The following PTPRO variants were observed in gnomAD, a reference collection of about 807,000 sequenced individuals.
PTPRO encodes receptor-type tyrosine-protein phosphatase O.
In PTPRO, 62 loss-of-function variants were observed where a neutral mutation model predicts 145.2. The observed-to-expected ratio is 0.43, with a 90% CI of 0.35 to 0.53. The LOEUF (loss-of-function observed/expected upper bound fraction) is 0.53. Ranked by LOEUF, PTPRO falls within the 20% of genes least tolerant of loss-of-function variation. The pLI, the probability that PTPRO is intolerant of heterozygous loss-of-function variation, is 0.01. For missense variants in PTPRO, 1,345 were observed against 1,482.7 expected, an observed-to-expected ratio of 0.91 and a Z score of 1.53; for synonymous variants, 565 against 514.7, an observed-to-expected ratio of 1.10 and a Z score of -1.32.
chr12:15,392,691 A>G (rs1439960067), intron 1 of PTPRO, among the ~76,000 whole-genome samples: 1 of 137,364 alleles, frequency 7.3e-6, no homozygotes, highest in Non-Finnish European at 1.5e-5. Flanking sequence ...ACTGCACTCC[A>G]GCTTGGGTGA....
At chr12:15,460,131 A>C (rs899063358) in intron 1 of PTPRO, among the ~76,000 whole-genome samples, 6 of 152,236 alleles carry the variant, frequency 3.9e-5, no homozygotes, top group Non-Finnish European at 5.9e-5. Context: ...TCAATAAACA[A>C]GAATGACTTG....
At chr12:15,363,779 A>G (rs1938279154) in intron 1 of PTPRO, among the ~76,000 whole-genome samples, 1 of 152,132 alleles carries the variant, frequency 6.6e-6, no homozygotes, top group African/African-American at 2.4e-5. Flanking sequence ...TTTGCAAAAA[A>G]ACGCTATCAC....
At chr12:15,576,287 T>C (rs1182248484) in intron 19 of PTPRO, among the ~76,000 whole-genome samples, 1 of 152,266 alleles carries the variant, frequency 6.6e-6, no homozygotes, top group East Asian at 1.9e-4. Context: ...CAAAGCATAC[T>C]GTGTTTACAT....
intron 1 of PTPRO, among the ~76,000 whole-genome samples, chr12:15,357,485 T>C (rs1938032981): frequency 6.6e-6 from 1 of 152,216 alleles, no homozygotes; most frequent in African/African-American, 2.4e-5. Context: ...GGAACAGTCA[T>C]AGAAATTGTT....
intron 1 of PTPRO, among the ~76,000 whole-genome samples, chr12:15,361,475 A>G (rs74823576): frequency 6.6e-6 from 1 of 151,858 alleles, no homozygotes; most frequent in African/African-American, 2.4e-5. Flanking sequence ...AAAAGAAAAA[A>G]CAAAGAAATT....
At chr12:15,516,614 GAA>G in intron 8 of PTPRO, 147 bp from the exon 9 acceptor site, 1 of 660,010 alleles carries the variant, frequency 1.5e-6, no homozygotes, top group African/African-American at 2.1e-5. Flanking sequence ...AGAAAGGGAG[GAA>G]GGAAGGAAGG....
At chr12:15,324,825 A>C (rs531589950) in intron 1 of PTPRO, among the ~76,000 whole-genome samples, 1 of 152,158 alleles carries the variant, frequency 6.6e-6, no homozygotes, top group East Asian at 1.9e-4. Context: ...GTTCAAAAAA[A>C]ATGGTAAATT....
At position 15,515,528 on chromosome 12, in the gene PTPRO, C is replaced by G; in HGVS notation, c.1495C>G (p.Leu499Val). Reference sequence around the variant, plus strand: ...CTCAAGCAAACCTATTATTGAAAATCTGGTTCCTGGTGCCCAGTACCAGGT... The same window carrying G: ...CTCAAGCAAACCTATTATTGAAAATGTGGTTCCTGGTGCCCAGTACCAGGT... The part of the protein sequence containing the change: ...VNSSKPIIEN[L>V]VPGAQYQVVI... The change falls in exon 8 of 27, where the codon CTG becomes GTG. Residue 499 changes from leucine (L) to valine (V), a missense_variant. This residue lies in a region of PTPRO where 1,130 missense variants were observed against 1,214.7 expected (regional missense o/e 0.93). Transcript: ENST00000281171. The G allele has an allele frequency of 6.2e-7, 1 of 1,613,912 alleles. No individual in the cohort carries two copies. Among genetic ancestry groups the G allele is most frequent in the Admixed American group, 1.7e-5 (1 of 60,024 alleles).
intron 14 of PTPRO, 89 bp downstream of exon 14, chr12:15,549,315 C>T: frequency 9.0e-7 from 1 of 1,106,858 alleles, no homozygotes; most frequent in Non-Finnish European, 1.2e-6. Flanking sequence ...CCAAGAAATC[C>T]CAAGCTTCGG....
rs368553341 is a variant in PTPRO, at chr12:15,591,140, G to A, written c.3546+1550G>A. Among the ~76,000 whole-genome samples the A allele has an allele frequency of 3.9e-5, 6 of 152,086 alleles. No homozygotes were observed. The East Asian group carries it at 5.8e-4, about 15-fold the overall frequency. On this transcript the variant is annotated intron_variant, in intron 25 of 26. Transcript: ENST00000281171. The stretch of plus-strand genomic sequence containing the variant: ...TCCCAGCACTTTAGGAGGCTGAGGC[G>A]TGCGGATCACCTGAGGTCAGAAGTT...
chr12:15,373,292 A>G (rs753760673), intron 1 of PTPRO, among the ~76,000 whole-genome samples: 5 of 152,210 alleles, frequency 3.3e-5, no homozygotes, highest in Non-Finnish European at 5.9e-5. Flanking sequence ...TGAGCAGCAT[A>G]CTATAGGACA....
chr12:15,508,696 G>A lies in PTPRO; in HGVS notation c.1393G>A (p.Val465Met), dbSNP rs942559515. ...SSQENYNSTI[V>M]SVVSLTCQKQ... Reference sequence around the variant, plus strand: ...CCAAGAGAACTACAACAGCACCATTGTGTCTGTGGTGTCGCTGACCTGCCA... The same window carrying A: ...CCAAGAGAACTACAACAGCACCATTATGTCTGTGGTGTCGCTGACCTGCCA... Residue 465 changes from valine to methionine, a missense_variant, in exon 7 of 27, where the codon GTG becomes ATG. Val to Met is a conservative substitution (Grantham distance 21). This residue lies in a region of PTPRO where 1,130 missense variants were observed against 1,214.7 expected (regional missense o/e 0.93). Transcript: ENST00000281171. 6.2e-7 allele frequency: 1 copy of A among 1,614,116 alleles called. No homozygotes were observed. The highest frequency in any genetic ancestry group is 8.5e-7 in the Non-Finnish European group (1 of 1,180,004).
chr12:15,435,580 ATCTC>A (rs1192220995), intron 1 of PTPRO, among the ~76,000 whole-genome samples: 2 of 151,020 alleles, frequency 1.3e-5, no homozygotes, highest in Non-Finnish European at 2.9e-5. Context: ...CTTTTTGGCA[ATCTC>A]TCTCTATAAT....
intron 1 of PTPRO, among the ~76,000 whole-genome samples, chr12:15,364,318 T>A (rs879741893): frequency 1.8e-4 from 28 of 152,320 alleles, no homozygotes; most frequent in Non-Finnish European, 2.9e-4. Flanking sequence ...TATTCATTAT[T>A]ACAGAATTGG....
At chr12:15,538,061 C>T (rs1943101293) in intron 12 of PTPRO, among the ~76,000 whole-genome samples, 1 of 152,130 alleles carries the variant, frequency 6.6e-6, no homozygotes, top group African/African-American at 2.4e-5. Flanking sequence ...CAGCCCCATG[C>T]AAGCATTGTT....
At chr12:15,551,775 AT>A in intron 15 of PTPRO, 104 bp downstream of exon 15, 1 of 1,301,736 alleles carries the variant, frequency 7.7e-7, no homozygotes, top group Non-Finnish European at 1.1e-6. Flanking sequence ...GGTATATTGG[AT>A]TTTAGTTTTC....
At chr12:15,543,194 G>A (rs1565696641) in intron 12 of PTPRO, among the ~76,000 whole-genome samples, 1 of 152,168 alleles carries the variant, frequency 6.6e-6, no homozygotes, top group Non-Finnish European at 1.5e-5. Context: ...ACATGTAAAC[G>A]TCTTCCAGAA....
chr12:15,566,696 T>A (rs1257877746), intron 18 of PTPRO, among the ~76,000 whole-genome samples: 1 of 152,032 alleles, frequency 6.6e-6, no homozygotes, highest in East Asian at 1.9e-4. Context: ...GATTTTTGTA[T>A]TTTTAGTAGA....
chr12:15,586,613 T>G, intron 23 of PTPRO, among the ~76,000 whole-genome samples: 1 of 152,220 alleles, frequency 6.6e-6, no homozygotes, highest in East Asian at 1.9e-4. Context: ...TGATGCAGCT[T>G]CTAAATGACA....
Sources: gnomAD v4.1 joint callset for allele counts (sites outside exome capture counted in the v4.1 genomes callset) on GRCh38, gnomAD v4.1.1 for gene constraint, gnomAD v4.1.1 regional missense constraint, MANE v1.5 for transcripts, NCBI Gene and HGNC (gene_info 2026-07-23, HGNC 2026-07-21) for gene names.